DPF3: variants seen among roughly 807,000 people sequenced by gnomAD.
The protein encoded by DPF3 is zinc finger protein DPF3.
Under a neutral mutation model 56.8 loss-of-function variants are expected in DPF3, and 18 were observed. The ratio of observed to expected loss-of-function variants is 0.32; its 90% confidence interval spans 0.22 to 0.47. The LOEUF is 0.47. DPF3 is among the 20% of genes least tolerant of loss of function. The pLI is 1.00. For missense variants in DPF3, 403 were observed against 488.8 expected, an observed-to-expected ratio of 0.82 and a Z score of 1.65; for synonymous variants, 188 against 180.2, an observed-to-expected ratio of 1.04 and a Z score of -0.35.
At chr14:72,805,470 C>G (rs1347899832) in intron 1 of DPF3, among the ~76,000 whole-genome samples, 1 of 147,428 alleles carries the variant, frequency 6.8e-6, no homozygotes, top group African/African-American at 2.6e-5. Context: ...AACTCTACCT[C>G]CAAAAAAAAA....
intron 2 of DPF3, among the ~76,000 whole-genome samples, chr14:72,764,477 CTGAGT>C (rs1485387584): frequency 1.6e-5 from 2 of 128,430 alleles, no homozygotes; most frequent in Admixed American, 8.0e-5. Flanking sequence ...AACTATTTTC[CTGAGT>C]TGTTTTTTTT....
chr14:72,625,007 T>C (rs1314383063), intron 9 of DPF3, among the ~76,000 whole-genome samples: 1 of 152,162 alleles, frequency 6.6e-6, no homozygotes, highest in Non-Finnish European at 1.5e-5. Context: ...AAAGTTACTG[T>C]TTTTCCCTTT....
intron 5 of DPF3, among the ~76,000 whole-genome samples, chr14:72,722,859 T>C (rs1056950669): frequency 1.3e-5 from 2 of 152,160 alleles, no homozygotes; most frequent in Non-Finnish European, 1.5e-5. Flanking sequence ...TCCTTCCACC[T>C]GGGTTTTTTC....
intron 6 of DPF3, among the ~76,000 whole-genome samples, chr14:72,695,409 G>A (rs74062348): frequency 0.019 from 2,877 of 152,214 alleles, 82 homozygotes; most frequent in African/African-American, 0.065. Flanking sequence ...TCTGGCAACT[G>A]GTTGGACTTC....
intron 7 of DPF3, among the ~76,000 whole-genome samples, chr14:72,682,797 C>T (rs1046035709): frequency 2.6e-5 from 4 of 152,144 alleles, no homozygotes; most frequent in Non-Finnish European, 4.4e-5. Flanking sequence ...AAAAGCAGGC[C>T]GGGAAGTTGG....
chr14:72,862,622 A>T lies in DPF3; in HGVS notation c.32+31435T>A, dbSNP rs181191820. 4.3e-3 allele frequency among the ~76,000 whole-genome samples: 651 copies of T among 152,208 alleles called. 6 individuals are homozygous for T. Among genetic ancestry groups the T allele is most frequent in the East Asian group, 0.026 (132 of 5,174 alleles). ...TTCCTCCCACTCCCTCTCACTCTGC[A>T]CCAGCCACATGGCTTCCCTTGCTGT... On this transcript the variant is annotated intron_variant, in intron 1 of 10. Transcript: ENST00000556509.
chr14:72,791,726 G>A (rs1481422672), intron 1 of DPF3, among the ~76,000 whole-genome samples: 3 of 152,188 alleles, frequency 2.0e-5, no homozygotes, highest in South Asian at 2.1e-4. Context: ...GTTAAAAGAC[G>A]AGAAAAACAA....
At chr14:72,783,972 G>T (rs11629434) in intron 1 of DPF3, among the ~76,000 whole-genome samples, 22,054 of 152,062 alleles carry the variant, frequency 0.15, 1,722 homozygotes, top group Middle Eastern at 0.33. Flanking sequence ...TCCCCATCAC[G>T]CACCTGCTGG....
chr14:72,815,058 G>C (rs1883226339), intron 1 of DPF3, among the ~76,000 whole-genome samples: 1 of 152,128 alleles, frequency 6.6e-6, no homozygotes, highest in African/African-American at 2.4e-5. Context: ...GCTACAGACT[G>C]AGAGAAAATA....
At chr14:72,812,321 A>G (rs532014329) in intron 1 of DPF3, among the ~76,000 whole-genome samples, 2 of 152,244 alleles carry the variant, frequency 1.3e-5, no homozygotes, top group East Asian at 3.9e-4. Context: ...AATAGCGAGG[A>G]GCTGGAAAGA....
intron 3 of DPF3, among the ~76,000 whole-genome samples, chr14:72,743,398 C>T (rs1890206113): frequency 6.6e-6 from 1 of 152,012 alleles, no homozygotes; most frequent in Admixed American, 6.6e-5. Context: ...CCTGGCATCA[C>T]CAGGATCCCC....
rs549117570 is a variant in DPF3, at chr14:72,810,930, G to A, written c.33-39037C>T. ...TACTATAAAGGAATGCCTAAGACTT[G>A]GTAATTTGTAAAGAAAAGAGGTATA... On this transcript the variant is annotated intron_variant, in intron 1 of 10. Transcript: ENST00000556509. Among the ~76,000 whole-genome samples, 11 of 152,342 alleles carry A rather than the reference G, an allele frequency of 7.2e-5. No individual in the cohort carries two copies. In the South Asian group the frequency reaches 1.2e-3, roughly 17 times the overall value.
Position 72,883,703 on chromosome 14 carries a change from A to G in DPF3, c.32+10354T>C, listed in dbSNP as rs192868153. Among the ~76,000 whole-genome samples, 921 of 152,064 alleles carry G rather than the reference A, an allele frequency of 6.1e-3. 5 individuals carry two copies. Among genetic ancestry groups the G allele is most frequent in the Middle Eastern group, 0.017 (5 of 292 alleles). ...AGCACGTGGGGAGGCCCAGGTGGGCAGATCACTTGAGGTCAGGAGATCGAG... is the reference window on the plus strand; with the variant it reads ...AGCACGTGGGGAGGCCCAGGTGGGCGGATCACTTGAGGTCAGGAGATCGAG... On this transcript the variant is annotated intron_variant, in intron 1 of 10. Coordinates refer to ENST00000556509, the MANE Select transcript of DPF3 (RefSeq NM_001280542.3).
At chr14:72,880,066 C>G (rs1886269740) in intron 1 of DPF3, 3 of 1,125,196 alleles carry the variant, frequency 2.7e-6, no homozygotes, top group Non-Finnish European at 3.6e-6. Flanking sequence ...GGCTCAGTAA[C>G]AGACATAGTA....
chr14:72,759,860 A>G lies in DPF3; in HGVS notation c.194-6489T>C, dbSNP rs1370948149. Among the ~76,000 whole-genome samples the G allele has an allele frequency of 9.2e-5, 14 of 152,186 alleles. 1 individual carries two copies. Among genetic ancestry groups the G allele is most frequent in the Admixed American group, 9.2e-4 (14 of 15,286 alleles). ...GCAAGCAAGAAAAGAGTGGTTCAAC[A>G]TCCCTACAATACTGAAAGGGAAAAA... is the stretch of plus-strand genomic sequence containing the variant. On this transcript the variant is annotated intron_variant, in intron 2 of 10. Coordinates refer to ENST00000556509, the MANE Select transcript of DPF3 (RefSeq NM_001280542.3).
intron 7 of DPF3, among the ~76,000 whole-genome samples, chr14:72,688,814 C>T (rs1368121280): frequency 2.0e-5 from 3 of 152,180 alleles, no homozygotes. Flanking sequence ...CACCCAGCCT[C>T]ATGCAGGGAG....
At chr14:72,742,353 T>C (rs1890158993) in intron 3 of DPF3, 1 of 151,960 alleles carries the variant, frequency 6.6e-6, no homozygotes, top group African/African-American at 2.4e-5. Flanking sequence ...CAGATGGGGG[T>C]GGGAGCCGGA....
intron 1 of DPF3, among the ~76,000 whole-genome samples, chr14:72,779,122 G>A (rs1891866203): frequency 6.6e-6 from 1 of 152,218 alleles, no homozygotes; most frequent in African/African-American, 2.4e-5. Context: ...AGTCTCCATT[G>A]AAAAGCATTT....
chr14:72,837,497 G>A (rs1246962175), intron 1 of DPF3, among the ~76,000 whole-genome samples: 2 of 152,044 alleles, frequency 1.3e-5, no homozygotes, highest in African/African-American at 4.8e-5. Flanking sequence ...CAGCACTTTG[G>A]GAAGCCGAGG....
Sources: allele counts gnomAD v4.1 joint callset (sites outside exome capture counted in the v4.1 genomes callset), GRCh38; gene constraint gnomAD v4.1.1; transcripts MANE v1.5; gene names NCBI Gene and HGNC (gene_info 2026-07-23, HGNC 2026-07-21).